Variants in LMNB1 observed in about 807,000 individuals in gnomAD.
LMNB1 encodes lamin B1.
Under a neutral mutation model 67.1 loss-of-function variants are expected in LMNB1, and 23 were observed. That is an observed-to-expected ratio of 0.34 (90% CI 0.25 to 0.49). The LOEUF (loss-of-function observed/expected upper bound fraction) is 0.49, where lower values mean the gene tolerates loss of function less well. Among genes scored for constraint, LMNB1 ranks in the 20% least tolerant of loss-of-function variants. The probability of loss-of-function intolerance (pLI) is 0.99; values close to 1 mark genes in which losing one functional copy is unlikely to be tolerated. For missense variants in LMNB1, 634 were observed against 746.5 expected, an observed-to-expected ratio of 0.85 and a Z score of 1.76; for synonymous variants, 281 against 282.9, an observed-to-expected ratio of 0.99 and a Z score of 0.07.
At chr5:126,818,692 C>G (rs1163053809) in intron 5 of LMNB1, among the ~76,000 whole-genome samples, 2 of 152,200 alleles carry the variant, frequency 1.3e-5, no homozygotes, top group African/African-American at 4.8e-5. Flanking sequence ...ACAGAACTTA[C>G]ATTTGTGGAA....
chr5:126,789,483 C>G (rs947148804), intron 1 of LMNB1, among the ~76,000 whole-genome samples: 2 of 151,984 alleles, frequency 1.3e-5, no homozygotes, highest in Non-Finnish European at 2.9e-5. Flanking sequence ...TTGTCCTTGG[C>G]AATCTGGGAC....
chr5:126,824,859 C>CT lies in LMNB1; in HGVS notation c.1492-1121dup, dbSNP rs1193671783. ...TTTCCACCCCACCCCCCCACCCTTT[C>CT]TTTTTTTTGATAGAGACAGGATTTC... On this transcript the variant is annotated intron_variant, in intron 8 of 10. Transcript: ENST00000261366. Among the ~76,000 whole-genome samples, 377 of 114,082 alleles carry CT rather than the reference C, an allele frequency of 3.3e-3. 3 individuals carry two copies. Among genetic ancestry groups the CT allele is most frequent in the African/African-American group, 0.01 (320 of 31,412 alleles). The allele number at this position is 114,082 out of a possible 152,430, so 74.8% of individuals were successfully genotyped here. A position where few individuals can be genotyped will look rare whatever the true frequency, so the allele number is the denominator to read the frequency against.
chr5:126,785,462 T>C (rs1561734455), intron 1 of LMNB1, among the ~76,000 whole-genome samples: 1 of 150,338 alleles, frequency 6.7e-6, no homozygotes, highest in Non-Finnish European at 1.5e-5. Flanking sequence ...GGCTAATTTT[T>C]TTTTTCTTTT....
chr5:126,793,775 C>G (rs988633140), intron 1 of LMNB1, among the ~76,000 whole-genome samples: 64 of 152,140 alleles, frequency 4.2e-4, no homozygotes, highest in African/African-American at 1.5e-3. Flanking sequence ...ACTCAGGAGG[C>G]TGAGACAGGA....
At chr5:126,781,840 A>G (rs887798483) in intron 1 of LMNB1, among the ~76,000 whole-genome samples, 1 of 152,252 alleles carries the variant, frequency 6.6e-6, no homozygotes, top group Admixed American at 6.5e-5. Context: ...TATAGATTCC[A>G]GGTTACTTAG....
At chr5:126,812,718 C>CCTTT (rs1751608003) in intron 5 of LMNB1, among the ~76,000 whole-genome samples, 1 of 117,160 alleles carries the variant, frequency 8.5e-6, no homozygotes, top group Non-Finnish European at 1.7e-5. Context: ...CTTTATTTTA[C>CCTTT]TTTTTTTTTT....
intron 1 of LMNB1, among the ~76,000 whole-genome samples, chr5:126,778,326 G>A (rs1437187179): frequency 5.3e-5 from 8 of 152,186 alleles, no homozygotes; most frequent in Non-Finnish European, 1.0e-4. Context: ...GGGCGGCCGG[G>A]GAGGACTGGC....
intron 1 of LMNB1, among the ~76,000 whole-genome samples, chr5:126,795,949 T>TTTTTA (rs1751079121): frequency 6.9e-6 from 1 of 145,206 alleles, no homozygotes; most frequent in South Asian, 2.3e-4. Flanking sequence ...TTTTTTTTTT[T>TTTTTA]GAGACGGAGT....
At position 126,795,213 on chromosome 5, in the gene LMNB1, C is replaced by G. The variant is rs116629852; in HGVS notation, c.360-9563C>G. Among the ~76,000 whole-genome samples the G allele has an allele frequency of 8.2e-3, 1,218 of 149,160 alleles. 13 individuals are homozygous for G. Among genetic ancestry groups the G allele is most frequent in the African/African-American group, 0.029 (1,166 of 40,762 alleles). On this transcript the variant is annotated intron_variant, in intron 1 of 10. Transcript: ENST00000261366. Reference sequence around the variant, plus strand: ...AGTGCCGTGGCATGACCACAGCTCACTGCAGCCTTAACCTCCCTGGCCCAA... The same window carrying G: ...AGTGCCGTGGCATGACCACAGCTCAGTGCAGCCTTAACCTCCCTGGCCCAA...
In LMNB1 at chr5:126,836,552, CT is replaced by C. The variant is rs924069218; in HGVS notation, c.*297del. The C allele has an allele frequency of 4.4e-4, 151 of 341,280 alleles. No individual in the cohort carries two copies. The highest frequency in any genetic ancestry group is 7.6e-4 in the Middle Eastern group (1 of 1,316). 21.1% of individuals were successfully genotyped at this position (341,280 alleles called of 1,614,324 possible). Reference sequence around the variant, plus strand: ...GACTTTTTTTGTATGTGTGTTTTTTCTTTTTTTTTAAGTTCTTATGAGGAGG... The same window carrying C: ...GACTTTTTTTGTATGTGTGTTTTTTCTTTTTTTTAAGTTCTTATGAGGAGG... On this transcript the variant is annotated 3_prime_UTR_variant, in exon 11 of 11. Transcript: ENST00000261366.
intron 1 of LMNB1, among the ~76,000 whole-genome samples, chr5:126,782,450 T>C (rs1328629556): frequency 2.0e-5 from 3 of 152,236 alleles, no homozygotes; most frequent in East Asian, 1.9e-4. Context: ...AGATTGAAAA[T>C]AGACCTGGTT....
intron 5 of LMNB1, among the ~76,000 whole-genome samples, chr5:126,817,350 G>A (rs1189316651): frequency 6.6e-6 from 1 of 152,106 alleles, no homozygotes; most frequent in Non-Finnish European, 1.5e-5. Flanking sequence ...TCTTGTTATT[G>A]GAGAATGGTA....
chr5:126,796,511 C>G (rs1751098278), intron 1 of LMNB1, among the ~76,000 whole-genome samples: 1 of 152,098 alleles, frequency 6.6e-6, no homozygotes, highest in African/African-American at 2.4e-5. Flanking sequence ...GTTGAACAAC[C>G]AGCATGATTA....
intron 8 of LMNB1, among the ~76,000 whole-genome samples, chr5:126,825,757 A>G (rs1211614180): frequency 6.6e-6 from 1 of 152,148 alleles, no homozygotes; most frequent in Non-Finnish European, 1.5e-5. Context: ...GAGTGTAGGC[A>G]GTTTTACTTC....
rs551054465 is a variant in LMNB1 at position 126,791,000 on chromosome 5, G to A, written c.359+13133G>A. The stretch of plus-strand genomic sequence containing the variant: ...CGCGCCATTGCACTCCAGCCTGAGC[G>A]ACAAGAGCGAAACTCTGTCTCAATA... On this transcript the variant is annotated intron_variant, in intron 1 of 10. Coordinates refer to ENST00000261366, the MANE Select transcript of LMNB1 (RefSeq NM_005573.4). Among the ~76,000 whole-genome samples, 43 of 152,032 alleles carry A rather than the reference G, an allele frequency of 2.8e-4. 2 individuals carry two copies. In the South Asian group the frequency reaches 8.5e-3, roughly 30 times the overall value.
intron 9 of LMNB1, 95 bp from the exon 10 acceptor site, chr5:126,832,599 A>T (rs1752160940): frequency 4.6e-6 from 4 of 864,218 alleles, no homozygotes; most frequent in Non-Finnish European, 7.4e-6. Context: ...TGCGCCTGGC[A>T]AGAAATGCTG....
intron 6 of LMNB1, 34 bp from the exon 7 acceptor site, chr5:126,820,876 T>C: frequency 6.5e-7 from 1 of 1,539,186 alleles, no homozygotes; most frequent in Middle Eastern, 1.7e-4. Context: ...GCATATGTGT[T>C]TTAAAAATGA....
intron 1 of LMNB1, among the ~76,000 whole-genome samples, chr5:126,798,761 A>ATG (rs1259847457): frequency 1.2e-5 from 1 of 84,698 alleles, no homozygotes; most frequent in African/African-American, 5.2e-5. Context: ...GAAAAAAGAG[A>ATG]AGTGTGTGTG....
Position 126,836,299 on chromosome 5 carries a change from T to C in LMNB1, c.*35T>C. 6.9e-7 allele frequency: 1 copy of C among 1,451,504 alleles called. No homozygotes were observed. Among genetic ancestry groups the C allele is most frequent in the African/African-American group, 1.4e-5 (1 of 71,812 alleles). 89.9% of individuals were successfully genotyped at this position (1,451,504 alleles called of 1,614,324 possible). On this transcript the variant is annotated 3_prime_UTR_variant, in exon 11 of 11. Coordinates refer to ENST00000261366, the MANE Select transcript of LMNB1 (RefSeq NM_005573.4). ...CTGTCTTCCTCAAAATAAAGAAGTA[T>C]GGTAATCTTTACCTGTATACAGTGC...
Sources: gnomAD v4.1 joint callset for allele counts (sites outside exome capture counted in the v4.1 genomes callset) on GRCh38, gnomAD v4.1.1 for gene constraint, MANE v1.5 for transcripts, NCBI Gene and HGNC (gene_info 2026-07-23, HGNC 2026-07-21) for gene names.